Variants in PCDH11X observed in about 807,000 individuals in gnomAD.
PCDH11X encodes protocadherin 11 X-linked.
In PCDH11X, 18 loss-of-function variants were observed where a neutral mutation model predicts 53.3. The ratio of observed to expected loss-of-function variants is 0.34; its 90% confidence interval spans 0.23 to 0.50. PCDH11X has a LOEUF of 0.50. Ranked by LOEUF, PCDH11X falls within the 20% of genes least tolerant of loss-of-function variation. PCDH11X has a pLI of 0.98. For missense variants in PCDH11X, 570 were observed against 1,032.4 expected (o/e 0.55, Z 6.14); for synonymous variants, 279 against 393.3 (o/e 0.71, Z 3.44).
chrX:91,812,742 C>A (rs988601442), intron 4 of PCDH11X, among the ~76,000 whole-genome samples: 3 of 111,255 alleles, frequency 2.7e-5, no homozygotes, highest in African/African-American at 9.8e-5. Context: ...TTAATACCTT[C>A]ATCCTTTCCA....
intron 10 of PCDH11X, among the ~76,000 whole-genome samples, chrX:92,550,769 T>G (rs1002081472): frequency 6.3e-5 from 7 of 110,412 alleles, no homozygotes; most frequent in African/African-American, 2.3e-4. Context: ...AATCATCCTT[T>G]TACTTTCTAT....
At chrX:92,133,764 C>A (rs931442132) in intron 6 of PCDH11X, among the ~76,000 whole-genome samples, 8 of 112,334 alleles carry the variant, frequency 7.1e-5, no homozygotes, top group Non-Finnish European at 1.5e-4. Context: ...AAGAGGGAAA[C>A]AATACACATG....
intron 8 of PCDH11X, among the ~76,000 whole-genome samples, chrX:92,381,628 C>G (rs1172422022): frequency 8.9e-6 from 1 of 111,845 alleles, no homozygotes; most frequent in Non-Finnish European, 1.9e-5. Context: ...CAGGTTTTTC[C>G]TCTTTCGTTG....
At chrX:92,385,832 A>C (rs2071000739) in intron 8 of PCDH11X, among the ~76,000 whole-genome samples, 1 of 110,957 alleles carries the variant, frequency 9.0e-6, no homozygotes, top group African/African-American at 3.3e-5. Context: ...AAACAAAACA[A>C]AACAAAACAA....
chrX:92,241,830 TCTC>T (rs1236671342), intron 7 of PCDH11X, among the ~76,000 whole-genome samples: 1 of 111,838 alleles, frequency 8.9e-6, no homozygotes, highest in African/African-American at 3.2e-5. Context: ...AACAAAGAGA[TCTC>T]CTGGTTTTCT....
chrX:92,355,438 AAAAAAAAAAAG>A (rs2070179591), intron 8 of PCDH11X, among the ~76,000 whole-genome samples: 2 of 99,021 alleles, frequency 2.0e-5, no homozygotes, highest in African/African-American at 3.8e-5. Context: ...AAAAAAAAAA[AAAAAAAAAAAG>A]AAATTGTTGA....
At position 92,622,266 on chromosome X, in the gene PCDH11X, G is replaced by A. The variant is rs1928565653; in HGVS notation, c.*3326G>A. The stretch of plus-strand genomic sequence containing the variant: ...ATTTATCACACATGGTCATTAAATG[G>A]GAAAAAAATAGACTAAACAAATCAC... On this transcript the variant is annotated 3_prime_UTR_variant, in exon 11 of 11. Transcript: ENST00000682573. 1.9e-5 allele frequency: 2 copies of A among 105,453 alleles called. No individual in the cohort carries two copies. Among genetic ancestry groups the A allele is most frequent in the Admixed American group, 1.0e-4 (1 of 9,582 alleles). The allele number at this position is 105,453 out of a possible 1,213,427, so 8.7% of individuals were successfully genotyped here.
At chrX:91,825,091 G>A (rs1328737351) in intron 4 of PCDH11X, among the ~76,000 whole-genome samples, 1 of 111,109 alleles carries the variant, frequency 9.0e-6, no homozygotes, top group Non-Finnish European at 1.9e-5. Context: ...TGTCAGACAG[G>A]GACATTTAAG....
intron 7 of PCDH11X, among the ~76,000 whole-genome samples, chrX:92,230,595 T>A (rs1353773611): frequency 5.2e-5 from 5 of 95,531 alleles, no homozygotes; most frequent in African/African-American, 1.9e-4. Flanking sequence ...ATATATAAAA[T>A]ATATATATAA....
At position 92,201,431 on chromosome X, in the gene PCDH11X, G is replaced by A. The variant is rs143087998; in HGVS notation, c.3090G>A (p.Glu1030=). Residue 1030 remains glutamate, a synonymous_variant, in exon 7 of 11, where the codon GAG becomes GAA. Transcript: ENST00000682573. ...CTPMKESTTM[E]IWIHPQPQRK... is the part of the protein sequence containing the mutation. ...CCATGAAAGAGTCTACAACTATGGAGATCTGGATTCATCCCCAACCACAGG... is the reference window on the plus strand; with the variant it reads ...CCATGAAAGAGTCTACAACTATGGAAATCTGGATTCATCCCCAACCACAGG... The A allele has an allele frequency of 2.5e-6, 3 of 1,197,984 alleles. No homozygotes were observed. Among genetic ancestry groups the A allele is most frequent in the Non-Finnish European group, 2.3e-6 (2 of 885,928 alleles).
chrX:91,989,568 CA>C (rs1569295183), intron 6 of PCDH11X, among the ~76,000 whole-genome samples: 1 of 90,665 alleles, frequency 1.1e-5, no homozygotes. Context: ...ATCTCAAAAA[CA>C]ACAACAAAAA....
intron 10 of PCDH11X, among the ~76,000 whole-genome samples, chrX:92,541,578 T>G (rs1252145680): frequency 1.8e-5 from 2 of 111,297 alleles, no homozygotes; most frequent in Admixed American, 1.9e-4. Flanking sequence ...TAAAATTTGG[T>G]GTTCCAGCGC....
chrX:91,966,968 TCTC>T (rs1236146157), intron 6 of PCDH11X, among the ~76,000 whole-genome samples: 8 of 106,554 alleles, frequency 7.5e-5, no homozygotes, highest in Admixed American at 7.1e-4. Context: ...ATGCTCTCCT[TCTC>T]CTCAACCCCC....
At chrX:92,283,052 A>G (rs183533427) in intron 8 of PCDH11X, among the ~76,000 whole-genome samples, 84 of 110,930 alleles carry the variant, frequency 7.6e-4, no homozygotes, top group Middle Eastern at 4.6e-3. Flanking sequence ...CCTCAATATA[A>G]TTCTAGAGCC....
At chrX:91,808,604 G>A (rs1602261725) in intron 1 of PCDH11X, among the ~76,000 whole-genome samples, 1 of 110,728 alleles carries the variant, frequency 9.0e-6, no homozygotes, top group Non-Finnish European at 1.9e-5. Context: ...ACATTATGAG[G>A]ATATCTACTT....
rs770694778 is a variant in PCDH11X at position 91,900,280 on chromosome X, ATTG to A, written c.3033+21015_3033+21017del. ...CAATCTTAACTTCCAGTTTAATGGAATTGTTGTTGTGTCTCGTGGTGGCAGCAT... is the reference window on the plus strand; with the variant it reads ...CAATCTTAACTTCCAGTTTAATGGAATTGTTGTGTCTCGTGGTGGCAGCAT... On this transcript the variant is annotated intron_variant, in intron 6 of 10. Coordinates refer to ENST00000682573, the MANE Select transcript of PCDH11X (RefSeq NM_032968.5). Among the ~76,000 whole-genome samples the A allele has an allele frequency of 2.4e-4, 26 of 110,408 alleles. No homozygotes were observed. In the East Asian group the frequency reaches 7.5e-3, roughly 32 times the overall value.
chrX:92,398,906 A>G (rs3855796), intron 9 of PCDH11X, among the ~76,000 whole-genome samples: 17,691 of 110,150 alleles, frequency 0.16, 2,092 homozygotes, highest in East Asian at 0.74. Context: ...ATTTAAAAAT[A>G]TTTTAGCCGG....
At chrX:92,180,925 C>T (rs763008174) in intron 6 of PCDH11X, among the ~76,000 whole-genome samples, 15 of 107,693 alleles carry the variant, frequency 1.4e-4, no homozygotes, top group Non-Finnish European at 2.7e-4. Flanking sequence ...TGAAAATGGG[C>T]TAATACAGTA....
chrX:92,277,619 T>C (rs1343443025), intron 8 of PCDH11X, among the ~76,000 whole-genome samples: 2 of 103,995 alleles, frequency 1.9e-5, no homozygotes, highest in African/African-American at 3.6e-5. Context: ...GGCTCAGAGA[T>C]AAGAGGTCGG....
Sources: gnomAD v4.1 joint callset for allele counts (sites outside exome capture counted in the v4.1 genomes callset) on GRCh38, gnomAD v4.1.1 for gene constraint, MANE v1.5 for transcripts, NCBI Gene and HGNC (gene_info 2026-07-23, HGNC 2026-07-21) for gene names.